Variants in MYO1D observed in about 807,000 individuals in gnomAD.
MYO1D encodes myosin ID.
MYO1D carries 83 observed loss-of-function variants against 122.0 expected under a neutral mutation model. That is an observed-to-expected ratio of 0.68 (90% CI 0.57 to 0.82). The LOEUF (loss-of-function observed/expected upper bound fraction) is 0.82. Ranked by LOEUF, MYO1D falls within the 40% of genes least tolerant of loss-of-function variation. The pLI, the probability that MYO1D is intolerant of heterozygous loss-of-function variation, is 0.00. For missense variants in MYO1D, 1,157 were observed against 1,269.5 expected (o/e 0.91, Z 1.35); for synonymous variants, 464 against 446.9 (o/e 1.04, Z -0.48).
At chr17:32,876,639 C>T in intron 1 of MYO1D, 139 bp downstream of exon 1, 1 of 623,142 alleles carries the variant, frequency 1.6e-6, no homozygotes, top group South Asian at 2.5e-5. Flanking sequence ...TTGGCAGACC[C>T]CCGGACACCG....
intron 21 of MYO1D, among the ~76,000 whole-genome samples, chr17:32,502,583 A>G (rs1477999793): frequency 6.6e-6 from 1 of 152,140 alleles, no homozygotes; most frequent in East Asian, 1.9e-4. Context: ...TAAAATGTGG[A>G]TTGACCTAAA....
chr17:32,537,967 G>A (rs1333699599), intron 21 of MYO1D, among the ~76,000 whole-genome samples: 1 of 152,126 alleles, frequency 6.6e-6, no homozygotes, highest in Admixed American at 6.5e-5. Context: ...GGGGTCTGAA[G>A]TTGATGGAGC....
At chr17:32,841,657 G>A (rs982251151) in intron 1 of MYO1D, among the ~76,000 whole-genome samples, 1 of 152,092 alleles carries the variant, frequency 6.6e-6, no homozygotes, top group African/African-American at 2.4e-5. Context: ...AGATTCAAAA[G>A]AGTAAAAAGA....
At chr17:32,824,999 G>A (rs1393021426) in intron 1 of MYO1D, among the ~76,000 whole-genome samples, 1 of 152,152 alleles carries the variant, frequency 6.6e-6, no homozygotes, top group East Asian at 1.9e-4. Context: ...CTGATTGTTT[G>A]ACTGTTACTT....
intron 21 of MYO1D, among the ~76,000 whole-genome samples, chr17:32,544,084 C>T (rs921148119): frequency 4.7e-5 from 7 of 148,286 alleles, no homozygotes; most frequent in South Asian, 2.1e-4. Context: ...TGAGCCACCG[C>T]GCCTGGCCAA....
chr17:32,550,473 C>T (rs1007814097), intron 21 of MYO1D, among the ~76,000 whole-genome samples: 1 of 152,120 alleles, frequency 6.6e-6, no homozygotes, highest in Admixed American at 6.5e-5. Context: ...TTCACTGTCT[C>T]ATGATCTAAC....
At chr17:32,869,698 G>C (rs1429702054) in intron 1 of MYO1D, among the ~76,000 whole-genome samples, 1 of 152,134 alleles carries the variant, frequency 6.6e-6, no homozygotes, top group Non-Finnish European at 1.5e-5. Flanking sequence ...AGCTATATCA[G>C]ATTCAACATT....
rs538143853 is a variant in MYO1D at position 32,819,782 on chromosome 17, A to C, written c.96-38998T>G. ...AGCCAGATACTGTTCTAAGGACTTA[A>C]CTATTTTTAATTCTCAAAACCACAT... On this transcript the variant is annotated intron_variant, in intron 1 of 21. Coordinates refer to ENST00000318217, the MANE Select transcript of MYO1D (RefSeq NM_015194.3). 2.6e-5 allele frequency among the ~76,000 whole-genome samples: 4 copies of C among 152,336 alleles called. No homozygotes were observed. The East Asian group carries it at 7.7e-4, about 29-fold the overall frequency.
At chr17:32,794,991 A>G (rs2090398566) in intron 1 of MYO1D, among the ~76,000 whole-genome samples, 1 of 152,112 alleles carries the variant, frequency 6.6e-6, no homozygotes, top group Admixed American at 6.5e-5. Flanking sequence ...AGGCTTTAAG[A>G]GTAGAGATAT....
chr17:32,494,859 C>A lies in MYO1D; in HGVS notation c.2921G>T (p.Gly974Val), dbSNP rs771873326. 5 of 1,614,036 alleles carry A rather than the reference C, an allele frequency of 3.1e-6. No individual in the cohort carries two copies. In the Admixed American group the frequency reaches 6.7e-5, roughly 22 times the overall value. The change falls in exon 22 of 22, where the codon GGG (glycine) becomes GTG (valine). Residue 974 changes from glycine to valine, a missense_variant. Coordinates refer to ENST00000318217, the MANE Select transcript of MYO1D (RefSeq NM_015194.3). ...CTCCACGGAGACGGTGCACTTCTTCCCGTGCAGGCTGCACTGTACTGGGTT... is the reference window on the plus strand; with the variant it reads ...CTCCACGGAGACGGTGCACTTCTTCACGTGCAGGCTGCACTGTACTGGGTT... ...VTNPVQCSLH[G>V]KKCTVSVETR...
chr17:32,740,154 G>A (rs1351658472), intron 13 of MYO1D, among the ~76,000 whole-genome samples: 1 of 152,162 alleles, frequency 6.6e-6, no homozygotes, highest in African/African-American at 2.4e-5. Context: ...TGCACATGGT[G>A]CCTGAATGCC....
intron 20 of MYO1D, among the ~76,000 whole-genome samples, chr17:32,614,970 C>T (rs1395630836): frequency 4.6e-5 from 7 of 152,196 alleles, no homozygotes; most frequent in Non-Finnish European, 7.3e-5. Context: ...CCCCCACCTT[C>T]GAATCTTCCT....
intron 21 of MYO1D, among the ~76,000 whole-genome samples, chr17:32,596,535 C>T (rs752300057): frequency 1.4e-4 from 22 of 152,200 alleles, no homozygotes; most frequent in Non-Finnish European, 2.6e-4. Context: ...TATGGGTCTC[C>T]CCATGGCTCT....
At chr17:32,625,415 TTA>T in intron 20 of MYO1D, among the ~76,000 whole-genome samples, 1 of 152,292 alleles carries the variant, frequency 6.6e-6, no homozygotes, top group East Asian at 1.9e-4. Context: ...CTCTGAGAAT[TTA>T]TTTCATCTAT....
At chr17:32,589,157 G>A (rs767985836) in intron 21 of MYO1D, among the ~76,000 whole-genome samples, 14 of 152,194 alleles carry the variant, frequency 9.2e-5, no homozygotes, top group Non-Finnish European at 1.9e-4. Context: ...ATCAACAAAC[G>A]GCATACAGTC....
chr17:32,819,125 C>T (rs1373877389), intron 1 of MYO1D, among the ~76,000 whole-genome samples: 1 of 151,816 alleles, frequency 6.6e-6, no homozygotes. Flanking sequence ...AATCACACCA[C>T]AGGAAAACAT....
intron 21 of MYO1D, among the ~76,000 whole-genome samples, chr17:32,595,399 A>G (rs886998121): frequency 4.6e-5 from 7 of 152,228 alleles, no homozygotes; most frequent in African/African-American, 1.7e-4. Flanking sequence ...TGATTTGATC[A>G]TTATACCTTG....
intron 16 of MYO1D, among the ~76,000 whole-genome samples, chr17:32,671,197 T>C (rs1187149265): frequency 6.6e-6 from 1 of 152,240 alleles, no homozygotes; most frequent in Non-Finnish European, 1.5e-5. Context: ...TGCCTGGGCA[T>C]CACTGCATTC....
At chr17:32,631,732 T>G (rs967199326) in intron 20 of MYO1D, among the ~76,000 whole-genome samples, 4 of 152,162 alleles carry the variant, frequency 2.6e-5, no homozygotes, top group Non-Finnish European at 5.9e-5. Context: ...TATTAATATT[T>G]TAGATATGAA....
Sources: allele counts gnomAD v4.1 joint callset (sites outside exome capture counted in the v4.1 genomes callset), GRCh38; gene constraint gnomAD v4.1.1; transcripts MANE v1.5; gene names NCBI Gene and HGNC (gene_info 2026-07-23, HGNC 2026-07-21).